BRD10: variants seen among roughly 807,000 people sequenced by gnomAD.
BRD10 encodes the protein uncharacterized bromodomain-containing protein 10.
the BRD10 span, chr9:5,892,460 C>A: frequency 1.2e-4 from 188 of 1,610,706 alleles, no homozygotes; most frequent in Non-Finnish European, 4.3e-5. Flanking sequence ...GTGTCCTGTG[C>A]CCTGACCCTA....
At chr9:5,922,475 G>C in the BRD10 span, 3 of 1,614,014 alleles carry the variant, frequency 1.9e-6, no homozygotes, top group Non-Finnish European at 2.5e-6. Context: ...TGATAAAGGT[G>C]TAATTGTTTT....
chr9:5,883,462 CTTTTTTTTT>C, the BRD10 span, among the ~76,000 whole-genome samples: 3 of 102,410 alleles, frequency 2.9e-5, no homozygotes, highest in African/African-American at 1.1e-4. Context: ...CCTTCTTCTT[CTTTTTTTTT>C]TTTTTTTTTT....
At chr9:5,922,476 T>C in the BRD10 span, 11 of 1,614,008 alleles carry the variant, frequency 6.8e-6, no homozygotes, top group Non-Finnish European at 9.3e-6. Flanking sequence ...GATAAAGGTG[T>C]AATTGTTTTG....
chr9:6,008,444 A>G, the BRD10 span, among the ~76,000 whole-genome samples: 1 of 151,732 alleles, frequency 6.6e-6, no homozygotes, highest in Non-Finnish European at 1.5e-5. Flanking sequence ...GAGAGAAGCA[A>G]AGAAAGAGGC....
chr9:5,886,997 G>A, the BRD10 span, among the ~76,000 whole-genome samples: 6 of 152,156 alleles, frequency 3.9e-5, no homozygotes, highest in Middle Eastern at 3.2e-3. Context: ...AGTGGGTCGC[G>A]TCTGTAATCC....
chr9:5,994,243 T>A, the BRD10 span, among the ~76,000 whole-genome samples: 1 of 152,140 alleles, frequency 6.6e-6, no homozygotes, highest in Non-Finnish European at 1.5e-5. Flanking sequence ...TTATGTTTTA[T>A]AATATATAAA....
At chr9:5,924,619 G>C in the BRD10 span, 1 of 1,244,608 alleles carries the variant, frequency 8.0e-7, no homozygotes, top group Non-Finnish European at 1.1e-6. Context: ...TTCTCTTTGT[G>C]CCTTCAGTGT....
At chr9:5,928,507 T>C in the BRD10 span, among the ~76,000 whole-genome samples, 1 of 152,212 alleles carries the variant, frequency 6.6e-6, no homozygotes, top group Non-Finnish European at 1.5e-5. Flanking sequence ...CTCTGACTCT[T>C]GCCTGTTACC....
At chr9:5,957,688 T>C in the BRD10 span, among the ~76,000 whole-genome samples, 1 of 152,138 alleles carries the variant, frequency 6.6e-6, no homozygotes, top group Non-Finnish European at 1.5e-5. Flanking sequence ...GTTGGATGAT[T>C]TGTACATTTA....
chr9:5,949,193 T>C, the BRD10 span, among the ~76,000 whole-genome samples: 2 of 152,054 alleles, frequency 1.3e-5, no homozygotes, highest in Non-Finnish European at 2.9e-5. Flanking sequence ...CTTAATACAG[T>C]AAGCAGTTAA....
the BRD10 span, among the ~76,000 whole-genome samples, chr9:5,914,606 G>C: frequency 4.0e-5 from 6 of 151,680 alleles, no homozygotes; most frequent in Admixed American, 3.9e-4. Flanking sequence ...TGTATTTTTA[G>C]TAGAGACGGG....
At chr9:5,970,691 A>T in the BRD10 span, among the ~76,000 whole-genome samples, 5 of 152,218 alleles carry the variant, frequency 3.3e-5, no homozygotes, top group Non-Finnish European at 7.3e-5. Context: ...ACTTAATAGG[A>T]GACTTGTATA....
chr9:6,007,777 G>A, the BRD10 span: 1 of 1,556,136 alleles, frequency 6.4e-7, no homozygotes, highest in Non-Finnish European at 8.6e-7. Context: ...CGGCGTCCCG[G>A]GCACACTCAT....
chr9:5,919,991 G>A, the BRD10 span: 1 of 1,613,788 alleles, frequency 6.2e-7, no homozygotes, highest in East Asian at 2.2e-5. Context: ...TGAAGTCAGT[G>A]ATACTGTTGG....
At chr9:5,960,335 GC>G in the BRD10 span, among the ~76,000 whole-genome samples, 1 of 152,130 alleles carries the variant, frequency 6.6e-6, no homozygotes, top group African/African-American at 2.4e-5. Flanking sequence ...GCCGAGGTGG[GC>G]CGATCACCTG....
the BRD10 span, among the ~76,000 whole-genome samples, chr9:5,889,741 T>C: frequency 9.2e-5 from 14 of 152,178 alleles, no homozygotes; most frequent in African/African-American, 2.9e-4. Flanking sequence ...GCTGAGATCC[T>C]GCCACTGCAC....
chr9:5,953,951 C>T, the BRD10 span: 777 of 876,718 alleles, frequency 8.9e-4, 2 homozygotes, highest in Non-Finnish European at 1.2e-3. Context: ...GCCAAACTCT[C>T]GAGGAATGAT....
At chr9:5,942,270 G>C in the BRD10 span, among the ~76,000 whole-genome samples, 6 of 152,134 alleles carry the variant, frequency 3.9e-5, no homozygotes, top group Admixed American at 2.6e-4. Flanking sequence ...AGGTTAAATT[G>C]TGTTTAGTAC....
the BRD10 span, among the ~76,000 whole-genome samples, chr9:5,882,109 A>G: frequency 6.6e-6 from 1 of 152,242 alleles, no homozygotes; most frequent in Non-Finnish European, 1.5e-5. Context: ...AATAGGAAAC[A>G]GCAAAGACTA....
Sources: allele counts gnomAD v4.1 joint callset (sites outside exome capture counted in the v4.1 genomes callset), GRCh38; gene constraint gnomAD v4.1.1; transcripts MANE v1.5; gene names NCBI Gene and HGNC (gene_info 2026-07-23, HGNC 2026-07-21).